SLC35F1: variants seen among roughly 807,000 people sequenced by gnomAD.
The protein encoded by SLC35F1 is chromosome 6 open reading frame 169.
A neutral mutation model predicts 48.7 loss-of-function variants in SLC35F1; 14 were observed. The ratio of observed to expected loss-of-function variants is 0.29; its 90% CI spans 0.19 to 0.45. SLC35F1 has a LOEUF of 0.45. Among genes scored for constraint, SLC35F1 ranks in the 20% least tolerant of loss-of-function variants. The probability of loss-of-function intolerance (pLI) is 1.00; values close to 1 mark genes in which losing one functional copy is unlikely to be tolerated. For missense variants in SLC35F1, 404 were observed against 500.0 expected, an observed-to-expected ratio of 0.81 and a Z score of 1.83; for synonymous variants, 190 against 202.2, an observed-to-expected ratio of 0.94 and a Z score of 0.51.
chr6:118,314,177 T>C lies in SLC35F1; in HGVS notation c.1152T>C (p.Ala384=). ...CTGTTGTGGACTTACCGACCACAGC[T>C]CAGGTGGAACCCTCAGTCACCTACA... ...SGPVVDLPTT[A]QVEPSVTYTS... The change falls in exon 8 of 8, where the codon GCT becomes GCC. Residue 384 remains alanine (A), a synonymous_variant. Transcript: ENST00000360388. 6.2e-7 allele frequency: 1 copy of C among 1,614,048 alleles called. No individual in the cohort carries two copies. Among genetic ancestry groups the C allele is most frequent in the East Asian group, 2.2e-5 (1 of 44,878 alleles).
chr6:117,914,298 C>T (rs1280188262), intron 1 of SLC35F1, among the ~76,000 whole-genome samples: 5 of 150,286 alleles, frequency 3.3e-5, no homozygotes, highest in Non-Finnish European at 7.4e-5. Context: ...TTGCAAGTTC[C>T]GAGATTATAA....
At chr6:118,199,999 G>A (rs1292101303) in intron 2 of SLC35F1, among the ~76,000 whole-genome samples, 1 of 151,900 alleles carries the variant, frequency 6.6e-6, no homozygotes, top group South Asian at 2.1e-4. Context: ...GTGATGACTG[G>A]GTCAAAGAGT....
chr6:118,113,643 A>C (rs1348034817), intron 1 of SLC35F1, among the ~76,000 whole-genome samples: 2 of 152,226 alleles, frequency 1.3e-5, no homozygotes, highest in Non-Finnish European at 2.9e-5. Flanking sequence ...TATTAATTTC[A>C]GGCAAAGCTG....
intron 1 of SLC35F1, among the ~76,000 whole-genome samples, chr6:117,964,619 C>T (rs1221555915): frequency 6.6e-6 from 1 of 152,210 alleles, no homozygotes; most frequent in Non-Finnish European, 1.5e-5. Flanking sequence ...GAGGTGTTGC[C>T]TCTCCTGTAG....
At chr6:117,984,493 CAA>C (rs1215573454) in intron 1 of SLC35F1, among the ~76,000 whole-genome samples, 32 of 60,916 alleles carry the variant, frequency 5.3e-4, no homozygotes, top group African/African-American at 6.4e-4. Flanking sequence ...GACTCGGTCT[CAA>C]AAAAAAAAAA....
At chr6:118,155,461 C>T (rs568889206) in intron 2 of SLC35F1, among the ~76,000 whole-genome samples, 19 of 152,292 alleles carry the variant, frequency 1.2e-4, no homozygotes, top group African/African-American at 4.6e-4. Context: ...TTTGGTCCCC[C>T]TCTTGCCCTC....
At chr6:118,004,895 C>G (rs1777153921) in intron 1 of SLC35F1, among the ~76,000 whole-genome samples, 2 of 151,826 alleles carry the variant, frequency 1.3e-5, no homozygotes, top group Admixed American at 1.3e-4. Flanking sequence ...AGAGATAGAT[C>G]TAGTTGCTGG....
At chr6:118,175,737 A>C (rs931447316) in intron 2 of SLC35F1, among the ~76,000 whole-genome samples, 3 of 152,090 alleles carry the variant, frequency 2.0e-5, no homozygotes, top group Admixed American at 2.0e-4. Context: ...TTCTGTATGT[A>C]TTCCCAGAAG....
At chr6:118,218,425 GA>G (rs1261308123) in intron 2 of SLC35F1, among the ~76,000 whole-genome samples, 1 of 152,096 alleles carries the variant, frequency 6.6e-6, no homozygotes, top group African/African-American at 2.4e-5. Context: ...GGAGGGCGGG[GA>G]TAGGTACTCC....
At chr6:118,214,893 T>C (rs925841895) in intron 2 of SLC35F1, among the ~76,000 whole-genome samples, 2 of 152,202 alleles carry the variant, frequency 1.3e-5, no homozygotes, top group Non-Finnish European at 2.9e-5. Context: ...TGTTTATGAA[T>C]GTATGACTTG....
chr6:118,130,418 C>T (rs1292803208), intron 1 of SLC35F1, among the ~76,000 whole-genome samples: 1 of 152,104 alleles, frequency 6.6e-6, no homozygotes, highest in Non-Finnish European at 1.5e-5. Flanking sequence ...TTGCAGTGAG[C>T]GGAGATCGCA....
intron 3 of SLC35F1, among the ~76,000 whole-genome samples, chr6:118,256,605 A>G (rs1291389802): frequency 6.6e-6 from 1 of 152,206 alleles, no homozygotes; most frequent in Non-Finnish European, 1.5e-5. Context: ...TTTTAAAAAT[A>G]AACTTTTTAA....
At chr6:117,989,535 A>C (rs1776890660) in intron 1 of SLC35F1, among the ~76,000 whole-genome samples, 2 of 152,326 alleles carry the variant, frequency 1.3e-5, no homozygotes, top group African/African-American at 4.8e-5. Context: ...GGATGTTCTG[A>C]GGCCTCTTTG....
chr6:118,000,263 G>T (rs574279763), intron 1 of SLC35F1, among the ~76,000 whole-genome samples: 1 of 152,166 alleles, frequency 6.6e-6, no homozygotes, highest in Non-Finnish European at 1.5e-5. Flanking sequence ...GATCAAGGGG[G>T]CTTCATCCCT....
At chr6:117,992,964 G>A (rs1209054373) in intron 1 of SLC35F1, among the ~76,000 whole-genome samples, 3 of 152,166 alleles carry the variant, frequency 2.0e-5, no homozygotes, top group Non-Finnish European at 4.4e-5. Context: ...ATCCATAAAA[G>A]CTTGTGGAAG....
chr6:118,065,977 A>G (rs1198125642), intron 1 of SLC35F1, among the ~76,000 whole-genome samples: 2 of 152,182 alleles, frequency 1.3e-5, no homozygotes, highest in Admixed American at 6.5e-5. Flanking sequence ...AGTGGCTACC[A>G]AAACATCATT....
chr6:118,235,433 T>G, intron 2 of SLC35F1, 76 bp from the exon 3 acceptor site: 2 of 1,337,826 alleles, frequency 1.5e-6, no homozygotes, highest in Non-Finnish European at 2.1e-6. Flanking sequence ...TGTTGCAACA[T>G]ATTAGAATTC....
At chr6:118,200,372 A>G (rs1472865449) in intron 2 of SLC35F1, among the ~76,000 whole-genome samples, 1 of 152,134 alleles carries the variant, frequency 6.6e-6, no homozygotes, top group Non-Finnish European at 1.5e-5. Flanking sequence ...GTGGACAGAA[A>G]ATACTAAGTG....
chr6:118,035,353 T>A (rs888335834), intron 1 of SLC35F1, among the ~76,000 whole-genome samples: 1 of 152,054 alleles, frequency 6.6e-6, no homozygotes, highest in African/African-American at 2.4e-5. Flanking sequence ...ATGCCTGTAA[T>A]TCCAGCACTT....
Sources: gnomAD v4.1 joint callset for allele counts (sites outside exome capture counted in the v4.1 genomes callset) on GRCh38, gnomAD v4.1.1 for gene constraint, MANE v1.5 for transcripts, NCBI Gene and HGNC (gene_info 2026-07-23, HGNC 2026-07-21) for gene names.